Variants in GORASP1 observed in about 807,000 individuals in gnomAD.
GORASP1 encodes the protein golgi reassembly stacking protein 1.
GORASP1 carries 31 observed loss-of-function variants against 37.7 expected under a neutral mutation model. That is an observed-to-expected ratio of 0.82 (90% CI 0.62 to 1.11). GORASP1 has a LOEUF of 1.11. Ranked by LOEUF, GORASP1 falls within the 50% of genes least tolerant of loss-of-function variation. GORASP1 has a pLI of 0.00. For synonymous variants in GORASP1, 204 were observed against 224.8 expected (o/e 0.91, Z 0.83); for missense variants, 476 against 560.7 (o/e 0.85, Z 1.53).
At chr3:39,106,848 T>G in intron 1 of GORASP1, 1 of 282,622 alleles carries the variant, frequency 3.5e-6, no homozygotes, top group Non-Finnish European at 7.3e-6. Context: ...GACCTCCATG[T>G]AGCGGCATCT....
rs570133414 is a variant in GORASP1 at position 39,105,213 on chromosome 3, T to C, written c.64-1660A>G. On this transcript the variant is annotated intron_variant, in intron 1 of 8. Transcript: ENST00000319283. This position sits in a 1 kb window ranked among gnomAD's most constrained non-coding sequence, Gnocchi z 5.4. ...CTATGGCTCCGCAGCTGAAATAATCTATGCTGCTGCCCACTGTACGGCTCC... is the reference window on the plus strand; with the variant it reads ...CTATGGCTCCGCAGCTGAAATAATCCATGCTGCTGCCCACTGTACGGCTCC... Among the ~76,000 whole-genome samples the C allele has an allele frequency of 6.6e-6, 1 of 152,086 alleles. No individual in the cohort carries two copies. Among genetic ancestry groups the C allele is most frequent in the South Asian group, 2.1e-4 (1 of 4,826 alleles).
intron 1 of GORASP1, among the ~76,000 whole-genome samples, chr3:39,106,412 G>A (rs945253878): frequency 7.2e-5 from 11 of 152,058 alleles, no homozygotes; most frequent in African/African-American, 2.4e-4. Flanking sequence ...CTGGCTGGAT[G>A]CATTCCACTG....
Position 39,098,406 on chromosome 3 carries a change from G to A in GORASP1, c.1153C>T (p.Gln385Ter), listed in dbSNP as rs1439933634. The A allele has an allele frequency of 1.2e-6, 2 of 1,614,190 alleles. No individual in the cohort carries two copies. The highest frequency in any genetic ancestry group is 8.5e-7 in the Non-Finnish European group (1 of 1,180,030). The change falls in exon 9 of 9, where the codon CAG becomes TAG. Residue 385 changes from glutamine to a stop codon, truncating the protein, a stop_gained. Coordinates refer to ENST00000319283, the MANE Select transcript of GORASP1 (RefSeq NM_031899.4). LOFTEE classifies it low-confidence loss of function (END_TRUNC). The surrounding 1 kb of genome is among the most constrained non-coding windows in gnomAD (Gnocchi z 4.7). ...GTGAGACTGTCAGGAAGAGTCAGCT[G>A]AGGCAGGTGGTCCGCCTGGGCTTGG... ...GAQAQADHLP[Q>*]LTLPDSLTSA...
chr3:39,104,451 T>C (rs1410805424), intron 1 of GORASP1, among the ~76,000 whole-genome samples: 3 of 152,294 alleles, frequency 2.0e-5, no homozygotes, highest in East Asian at 1.9e-4. Context: ...CCCAAGGCCC[T>C]AGACCCGAAG....
intron 1 of GORASP1, chr3:39,107,014 C>A (rs1187178705): frequency 2.2e-6 from 1 of 454,798 alleles, no homozygotes; most frequent in South Asian, 1.6e-5. Context: ...CGCGCGCCGA[C>A]GGGCTCCCCC....
rs11716067 is a variant in GORASP1 at position 39,103,982 on chromosome 3, C to T, written c.64-429G>A. On this transcript the variant is annotated intron_variant, in intron 1 of 8. Transcript: ENST00000319283. This position sits in a 1 kb window ranked among gnomAD's most constrained non-coding sequence, Gnocchi z 5.2. The stretch of plus-strand genomic sequence containing the variant: ...ACGTGCAGTGGAAGTGGGCAGGCCT[C>T]GGGAGGGATACACCCAGGGCTGTAC... Among the ~76,000 whole-genome samples, 15,776 of 152,114 alleles carry T rather than the reference C, an allele frequency of 0.1. 1,042 individuals carry two copies. The highest frequency in any genetic ancestry group is 0.22 in the East Asian group (1,112 of 5,166).
chr3:39,102,796 A>G lies in GORASP1; in HGVS notation c.230T>C (p.Met77Thr). The G allele has an allele frequency of 6.2e-7, 1 of 1,613,506 alleles. No homozygotes were observed. The highest frequency in any genetic ancestry group is 2.2e-5 in the East Asian group (1 of 44,868). ...CACCACCTCCACCTCGCGCACCCTC[A>G]TGGTCTTCATATTGAACACCTCCAG... ...VKLEVFNMKT[M>T]RVREVEVVPS... The change falls in exon 3 of 9, where the codon ATG (methionine) becomes ACG (threonine). Residue 77 changes from methionine to threonine, a missense_variant. Transcript: ENST00000319283. The surrounding 1 kb of genome is among the most constrained non-coding windows in gnomAD (Gnocchi z 5.0).
Position 39,098,821 on chromosome 3 carries a change from G to T in GORASP1, c.989C>A (p.Ser330Tyr), listed in dbSNP as rs777720264. Residue 330 changes from serine (S) to tyrosine (Y), a missense_variant, in exon 8 of 9, where the codon TCC becomes TAC. Transcript: ENST00000319283. The surrounding 1 kb of genome is among the most constrained non-coding windows in gnomAD (Gnocchi z 4.7). ...NASVWPSLPSSTELTTTAVST... is the reference protein window; with the variant it reads ...NASVWPSLPSYTELTTTAVST... ...GACAGCTGTGGTGGTCAGTTCTGTGGAAGAGGGCAGGCTGGGCCACACACT... is the reference window on the plus strand; with the variant it reads ...GACAGCTGTGGTGGTCAGTTCTGTGTAAGAGGGCAGGCTGGGCCACACACT... 2 of 1,614,182 alleles carry T rather than the reference G, an allele frequency of 1.2e-6. No individual in the cohort carries two copies. Among genetic ancestry groups the T allele is most frequent in the South Asian group, 2.2e-5 (2 of 91,090 alleles).
rs780244076 is a variant in GORASP1 at position 39,098,212 on chromosome 3, TG to T, written c.*23del. The T allele has an allele frequency of 1.4e-5, 23 of 1,608,652 alleles. No homozygotes were observed. Among genetic ancestry groups the T allele is most frequent in the African/African-American group, 2.7e-5 (2 of 74,820 alleles). On this transcript the variant is annotated 3_prime_UTR_variant, in exon 9 of 9. Transcript: ENST00000319283. This position sits in a 1 kb window ranked among gnomAD's most constrained non-coding sequence, Gnocchi z 4.7. ...ATCTGGGCCTCATGAAATGTCATCA[TG>T]GGCCTTGTCACAGCCCAGGGTGTTA... is the stretch of plus-strand genomic sequence containing the variant.
At position 39,100,507 on chromosome 3, in the gene GORASP1, C is replaced by T; in HGVS notation, c.567-4G>A. On this transcript the variant is annotated splice_region_variant and splice_polypyrimidine_tract_variant and intron_variant, in intron 5 of 8. Coordinates refer to ENST00000319283, the MANE Select transcript of GORASP1 (RefSeq NM_031899.4). The surrounding 1 kb of genome is among the most constrained non-coding windows in gnomAD (Gnocchi z 4.6). ...ATAGCCAATGCCACATCCCAGACTG[C>T]CGAAGGCCAGAAACATTCAATCCAG... The T allele has an allele frequency of 1.3e-6, 2 of 1,554,870 alleles. No homozygotes were observed. Among genetic ancestry groups the T allele is most frequent in the Non-Finnish European group, 1.7e-6 (2 of 1,151,620 alleles).
Position 39,102,953 on chromosome 3 carries a change from T to A in GORASP1, c.145-72A>T. The A allele has an allele frequency of 7.0e-7, 1 of 1,421,912 alleles. No individual in the cohort carries two copies. Among genetic ancestry groups the A allele is most frequent in the Non-Finnish European group, 9.9e-7 (1 of 1,005,418 alleles). The allele number at this position is 1,421,912 out of a possible 1,614,324, so 88.1% of individuals were successfully genotyped here. On this transcript the variant is annotated intron_variant, in intron 2 of 8. Coordinates refer to ENST00000319283, the MANE Select transcript of GORASP1 (RefSeq NM_031899.4). The surrounding 1 kb of genome is among the most constrained non-coding windows in gnomAD (Gnocchi z 5.0). ...TAGGACCCTCAGACAAGTCTGGGCCTGAGATGGGGCAAGGGCCTTAGTGGG... is the reference window on the plus strand; with the variant it reads ...TAGGACCCTCAGACAAGTCTGGGCCAGAGATGGGGCAAGGGCCTTAGTGGG...
Position 39,098,887 on chromosome 3 carries a change from A to C in GORASP1, c.923T>G (p.Leu308Arg). The part of the protein sequence containing the change: ...PVQRVMDPGF[L>R]DVSGISLLDN... ...CAAGAGAGAAATTCCCGACACGTCC[A>C]GGAAGCCTAGGGGAGGGTGGTGCAG... Residue 308 changes from leucine to arginine, a missense_variant, in exon 8 of 9, where the codon CTG becomes CGG. By Grantham distance (102) the Leu-to-Arg change is moderately radical. Coordinates refer to ENST00000319283, the MANE Select transcript of GORASP1 (RefSeq NM_031899.4). The surrounding 1 kb of genome is among the most constrained non-coding windows in gnomAD (Gnocchi z 4.7). The C allele has an allele frequency of 6.2e-7, 1 of 1,613,950 alleles. No individual in the cohort carries two copies. The highest frequency in any genetic ancestry group is 8.5e-7 in the Non-Finnish European group (1 of 1,179,950).
chr3:39,107,098 G>A (rs1043457558), intron 1 of GORASP1: 65 of 473,468 alleles, frequency 1.4e-4, no homozygotes, highest in Admixed American at 1.3e-3. Flanking sequence ...CCCAGGCCCA[G>A]CACGGAGAGC....
In GORASP1 at chr3:39,107,084, T is replaced by A. The variant is rs575892658; in HGVS notation, c.63+395A>T. The A allele has an allele frequency of 3.8e-3, 1,797 of 470,146 alleles. 1 individual carries two copies. The highest frequency in any genetic ancestry group is 4.9e-3 in the Non-Finnish European group (1,150 of 236,290). 29.1% of individuals were successfully genotyped at this position (470,146 alleles called of 1,614,324 possible). On this transcript the variant is annotated intron_variant, in intron 1 of 8. Coordinates refer to ENST00000319283, the MANE Select transcript of GORASP1 (RefSeq NM_031899.4). Reference sequence around the variant, plus strand: ...GGACTGTCCTCGGCGTGGCTGACTCTCTTCCCAGGCCCAGCACGGAGAGCG... The same window carrying A: ...GGACTGTCCTCGGCGTGGCTGACTCACTTCCCAGGCCCAGCACGGAGAGCG...
intron 3 of GORASP1, 130 bp from the exon 4 acceptor site, chr3:39,101,232 A>G: frequency 2.6e-6 from 2 of 774,994 alleles, no homozygotes; most frequent in Non-Finnish European, 2.2e-6. Context: ...CAGGGCTTCA[A>G]GCCCATACTC....
chr3:39,100,029 G>A lies in GORASP1; in HGVS notation c.765+276C>T, dbSNP rs1264681601. On this transcript the variant is annotated intron_variant, in intron 6 of 8. Transcript: ENST00000319283. This position sits in a 1 kb window ranked among gnomAD's most constrained non-coding sequence, Gnocchi z 4.6. ...TTGTCCAGTTTTGCCACAACTCACA[G>A]GCACAGCAAGCACCCATCTCTGAGC... is the stretch of plus-strand genomic sequence containing the variant. Among the ~76,000 whole-genome samples, 1 of 152,184 alleles carries A rather than the reference G, an allele frequency of 6.6e-6. No homozygotes were observed. The highest frequency in any genetic ancestry group is 1.5e-5 in the Non-Finnish European group (1 of 68,044).
chr3:39,097,035 G>A lies in GORASP1; in HGVS notation c.*1201C>T, dbSNP rs2035386911. 6.6e-6 allele frequency: 1 copy of A among 152,218 alleles called. No individual in the cohort carries two copies. The highest frequency in any genetic ancestry group is 1.5e-5 in the Non-Finnish European group (1 of 68,062). 9.4% of individuals were successfully genotyped at this position (152,218 alleles called of 1,614,324 possible). On this transcript the variant is annotated 3_prime_UTR_variant, in exon 9 of 9. Transcript: ENST00000319283. Reference sequence around the variant, plus strand: ...CAGCTGCTCTGGTAGGCTTGACAAGGGTTTGCTTTAAATGAAGGGTTTGCT... The same window carrying A: ...CAGCTGCTCTGGTAGGCTTGACAAGAGTTTGCTTTAAATGAAGGGTTTGCT...
At chr3:39,107,419 G>T in intron 1 of GORASP1, 60 bp downstream of exon 1, 2 of 1,121,272 alleles carry the variant, frequency 1.8e-6, no homozygotes, top group Non-Finnish European at 2.3e-6. Flanking sequence ...GCGACCGGAC[G>T]CCCGGGCGCG....
In GORASP1 at chr3:39,100,858, A is replaced by G. The variant is rs766937954; in HGVS notation, c.455T>C (p.Leu152Pro). ...GGGCTTCCCCTCATGAGACTCGATG[A>G]GCGTAAAGAAGTCCTCGGACTGTGA... is the stretch of plus-strand genomic sequence containing the variant. ...ILQESEDFFT[L>P]IESHEGKPLK... The change falls in exon 5 of 9, where the codon CTC becomes CCC. Residue 152 changes from leucine to proline, a missense_variant. Transcript: ENST00000319283. The surrounding 1 kb of genome is among the most constrained non-coding windows in gnomAD (Gnocchi z 4.6). 8 of 1,614,156 alleles carry G rather than the reference A, an allele frequency of 5.0e-6. No homozygotes were observed. The South Asian group carries it at 8.8e-5, about 18-fold the overall frequency.
Sources: gnomAD v4.1 joint callset for allele counts (sites outside exome capture counted in the v4.1 genomes callset) on GRCh38, gnomAD v4.1.1 for gene constraint, Gnocchi (gnomAD v3.1) non-coding constraint, MANE v1.5 for transcripts, NCBI Gene and HGNC (gene_info 2026-07-23, HGNC 2026-07-21) for gene names.